ZAP70: variants seen among roughly 807,000 people sequenced by gnomAD.
ZAP70 encodes zeta chain of T cell receptor associated protein kinase 70.
In ZAP70, 27 loss-of-function variants were observed where a neutral mutation model predicts 65.8. That is an observed-to-expected ratio of 0.41 (90% confidence interval 0.30 to 0.57). ZAP70 has a LOEUF of 0.57. Ranked by LOEUF, ZAP70 falls within the 20% of genes least tolerant of loss-of-function variation. ZAP70 has a pLI of 0.28. For synonymous variants in ZAP70, 363 were observed against 360.8 expected (o/e 1.01, Z -0.07); for missense variants, 696 against 870.5 (o/e 0.80, Z 2.52).
the ZAP70 span, chr2:97,756,333 G>A: frequency 6.6e-6 from 1 of 151,986 alleles, no homozygotes; most frequent in Non-Finnish European, 1.5e-5. Context: ...CACAAAACAA[G>A]GCTTTTGAAA....
chr2:97,746,328 T>C, the ZAP70 span, among the ~76,000 whole-genome samples: 1 of 152,218 alleles, frequency 6.6e-6, no homozygotes, highest in African/African-American at 2.4e-5. Context: ...TTATTAAATA[T>C]GTTTTACTAC....
chr2:97,752,380 T>C, the ZAP70 span, among the ~76,000 whole-genome samples: 1 of 152,274 alleles, frequency 6.6e-6, no homozygotes, highest in African/African-American at 2.4e-5. Context: ...TCATGAAGAA[T>C]TTTTGTTAGA....
At chr2:97,750,713 T>A in the ZAP70 span, among the ~76,000 whole-genome samples, 1 of 152,218 alleles carries the variant, frequency 6.6e-6, no homozygotes, top group South Asian at 2.1e-4. Flanking sequence ...TTTCTAATAG[T>A]CACAAACTGT....
intron 3 of ZAP70, 78 bp from the exon 4 acceptor site, chr2:97,725,014 G>C: frequency 6.3e-7 from 1 of 1,594,400 alleles, no homozygotes; most frequent in Non-Finnish European, 8.5e-7. Flanking sequence ...GAGTCCTCTG[G>C]GACAGGGCTC....
intron 8 of ZAP70, 106 bp from the exon 9 acceptor site, chr2:97,734,414 C>T: frequency 6.8e-7 from 1 of 1,469,652 alleles, no homozygotes; most frequent in Non-Finnish European, 9.0e-7. Flanking sequence ...TGTGCATGCT[C>T]CAGGGACGGC....
chr2:97,733,232 G>A lies in ZAP70; in HGVS notation c.790+20G>A, dbSNP rs201761684. On this transcript the variant is annotated intron_variant, in intron 6 of 13. Transcript: ENST00000264972. Reference sequence around the variant, plus strand: ...CCTCAGGTGACGGCAGCAGGCGGGCGGGCGGTGGGCGGGGGCGGCAGGAGA... The same window carrying A: ...CCTCAGGTGACGGCAGCAGGCGGGCAGGCGGTGGGCGGGGGCGGCAGGAGA... The A allele has an allele frequency of 2.3e-4, 368 of 1,610,738 alleles. No individual in the cohort carries two copies. Among genetic ancestry groups the A allele is most frequent in the Admixed American group, 3.2e-4 (19 of 59,804 alleles).
rs571320872 is a variant in ZAP70 at position 97,732,617 on chromosome 2, C to T, written c.564-266C>T. On this transcript the variant is annotated intron_variant, in intron 4 of 13. Transcript: ENST00000264972. Reference sequence around the variant, plus strand: ...TGTCCACCGTGGGGGGTCAGGTATTCCCCGTGAATGGCCATCTGTTGGCTC... The same window carrying T: ...TGTCCACCGTGGGGGGTCAGGTATTTCCCGTGAATGGCCATCTGTTGGCTC... 8 of 565,412 alleles carry T rather than the reference C, an allele frequency of 1.4e-5. No homozygotes were observed. In the South Asian group the frequency reaches 1.6e-4, roughly 11 times the overall value. The allele number at this position is 565,412 out of a possible 1,614,324, so 35.0% of individuals were successfully genotyped here.
chr2:97,731,486 C>T lies in ZAP70; in HGVS notation c.564-1397C>T, dbSNP rs1573275635. Among the ~76,000 whole-genome samples the T allele has an allele frequency of 6.6e-6, 1 of 152,110 alleles. No individual in the cohort carries two copies. The highest frequency in any genetic ancestry group is 1.9e-4 in the East Asian group (1 of 5,196). On this transcript the variant is annotated intron_variant, in intron 4 of 13. Coordinates refer to ENST00000264972, the MANE Select transcript of ZAP70 (RefSeq NM_001079.4). The surrounding 1 kb of genome is among the most constrained non-coding windows in gnomAD (Gnocchi z 4.0). ...TTGCCCTTTTGTGTGCCCTCATTGC[C>T]CCCGCCCTGATTTCCCATCTCTCCA...
At chr2:97,723,930 C>T (rs1434276350) in intron 2 of ZAP70, 86 bp from the exon 3 acceptor site, 1 of 1,452,820 alleles carries the variant, frequency 6.9e-7, no homozygotes, top group East Asian at 2.5e-5. Flanking sequence ...ATGCCCTCCA[C>T]TTGGCGTCTC....
chr2:97,747,848 T>TTTTTTG, the ZAP70 span, among the ~76,000 whole-genome samples: 1 of 134,038 alleles, frequency 7.5e-6, no homozygotes, highest in Admixed American at 7.4e-5. Flanking sequence ...TTTTTTTTTT[T>TTTTTTG]GCTATTGGTG....
At chr2:97,724,808 TC>T (rs976483402) in intron 3 of ZAP70, 5 of 1,509,528 alleles carry the variant, frequency 3.3e-6, no homozygotes, top group Non-Finnish European at 4.4e-6. Flanking sequence ...TGGGCAGTAG[TC>T]GTCCACAGCC....
intron 2 of ZAP70, among the ~76,000 whole-genome samples, chr2:97,714,483 TCTC>T (rs1478540509): frequency 6.6e-6 from 1 of 152,112 alleles, no homozygotes; most frequent in Non-Finnish European, 1.5e-5. Context: ...AACACCGAGT[TCTC>T]CTCAACTGCT....
chr2:97,724,458 C>A lies in ZAP70; in HGVS notation c.402+20C>A. ...CTGGAGGTGAGAGCGCAGCCTGGGG[C>A]GCGGGGTCTGGAGGGGCGTGGCCGA... On this transcript the variant is annotated intron_variant, in intron 3 of 13. Coordinates refer to ENST00000264972, the MANE Select transcript of ZAP70 (RefSeq NM_001079.4). 6.6e-7 allele frequency: 1 copy of A among 1,523,538 alleles called. No homozygotes were observed. The highest frequency in any genetic ancestry group is 8.8e-7 in the Non-Finnish European group (1 of 1,137,444). The allele number at this position is 1,523,538 out of a possible 1,614,324, so 94.4% of individuals were successfully genotyped here. A position where few individuals can be genotyped will look rare whatever the true frequency, so the allele number is the denominator to read the frequency against.
In ZAP70 at chr2:97,732,991, C is replaced by A; in HGVS notation, c.672C>A (p.Pro224=). The change falls in exon 5 of 14, where the codon CCC becomes CCA. Residue 224 remains proline, a synonymous_variant. Coordinates refer to ENST00000264972, the MANE Select transcript of ZAP70 (RefSeq NM_001079.4). ...SQDKAGKYCI[P]EGTKFDTLWQ... is the part of the protein sequence containing the mutation. Reference sequence around the variant, plus strand: ...ACAAGGCGGGCAAGTACTGCATTCCCGAGGGCACCAAGTTTGACACGCTCT... The same window carrying A: ...ACAAGGCGGGCAAGTACTGCATTCCAGAGGGCACCAAGTTTGACACGCTCT... 7 of 1,614,134 alleles carry A rather than the reference C, an allele frequency of 4.3e-6. No individual in the cohort carries two copies. Among genetic ancestry groups the A allele is most frequent in the Non-Finnish European group, 5.9e-6 (7 of 1,180,048 alleles).
chr2:97,735,179 T>TGGGTG, intron 9 of ZAP70, 71 bp from the exon 10 acceptor site: 1 of 1,532,326 alleles, frequency 6.5e-7, no homozygotes. Flanking sequence ...GAGAGATGGG[T>TGGGTG]GGGTGGGGGT....
Position 97,739,462 on chromosome 2 carries a change from A to AG in ZAP70, c.1826dup (p.Ser610GlnfsTer6). The AG allele has an allele frequency of 6.2e-7, 1 of 1,613,684 alleles. No individual in the cohort carries two copies. The highest frequency in any genetic ancestry group is 1.3e-5 in the African/African-American group (1 of 75,054). ...TGGCCAGCAAGGTGGAAGGGCCCCC[A>AG]GGCAGCACACAGAAGGCTGAGGCTG... On this transcript the variant is annotated frameshift_variant, in exon 14 of 14. Transcript: ENST00000264972. LOFTEE classifies it low-confidence loss of function (END_TRUNC).
intron 8 of ZAP70, 89 bp from the exon 9 acceptor site, chr2:97,734,431 G>T: frequency 6.7e-7 from 1 of 1,494,132 alleles, no homozygotes; most frequent in Non-Finnish European, 8.9e-7. Context: ...CGGCACCCTT[G>T]TCTGGGGCAG....
At chr2:97,724,875 C>T (rs1368346321) in intron 3 of ZAP70, 38 of 1,530,378 alleles carry the variant, frequency 2.5e-5, no homozygotes, top group Non-Finnish European at 3.1e-5. Flanking sequence ...TGGAGATGCG[C>T]TTGGGGCCGC....
At position 97,737,934 on chromosome 2, in the gene ZAP70, GGAGGGGGA is replaced by G. The variant is rs779032736; in HGVS notation, c.1623+38_1623+45del. The G allele has an allele frequency of 6.2e-6, 10 of 1,613,926 alleles. No homozygotes were observed. In the Admixed American group the frequency reaches 1.7e-4, roughly 27 times the overall value. On this transcript the variant is annotated intron_variant, in intron 12 of 13. Coordinates refer to ENST00000264972, the MANE Select transcript of ZAP70 (RefSeq NM_001079.4). This position sits in a 1 kb window ranked among gnomAD's most constrained non-coding sequence, Gnocchi z 5.0. ...CAGAGGCAGGTGGGCGGTGTGGTGG[GGAGGGGGA>G]TGAGGAGGAGGACACTGGTCACTCA...
Sources: allele counts gnomAD v4.1 joint callset (sites outside exome capture counted in the v4.1 genomes callset), GRCh38; gene constraint gnomAD v4.1.1; non-coding constraint Gnocchi (gnomAD v3.1); transcripts MANE v1.5; gene names NCBI Gene and HGNC (gene_info 2026-07-23, HGNC 2026-07-21).